OCA2: variants seen among roughly 807,000 people sequenced by gnomAD.
OCA2 encodes OCA2 melanosomal transmembrane protein.
In OCA2, 77 loss-of-function variants were observed where a neutral mutation model predicts 100.2. That is an observed-to-expected ratio of 0.77 (90% CI 0.64 to 0.93). The LOEUF (loss-of-function observed/expected upper bound fraction) is 0.93, where lower values mean the gene tolerates loss of function less well. Among genes scored for constraint, OCA2 ranks in the 40% least tolerant of loss-of-function variants. The probability of loss-of-function intolerance (pLI) is 0.00; values close to 1 mark genes in which losing one functional copy is unlikely to be tolerated. For missense variants in OCA2, 1,062 were observed against 1,089.1 expected, an observed-to-expected ratio of 0.98 and a Z score of 0.35; for synonymous variants, 432 against 439.2, an observed-to-expected ratio of 0.98 and a Z score of 0.21.
At chr15:27,923,027 A>G (rs1224756349) in intron 19 of OCA2, among the ~76,000 whole-genome samples, 1 of 152,028 alleles carries the variant, frequency 6.6e-6, no homozygotes, top group East Asian at 1.9e-4. Context: ...ATGTGTTCTC[A>G]TCATTCAGCT....
intron 20 of OCA2, among the ~76,000 whole-genome samples, chr15:27,871,599 A>G (rs1359751698): frequency 6.6e-6 from 1 of 152,198 alleles, no homozygotes; most frequent in Non-Finnish European, 1.5e-5. Flanking sequence ...GCACTCATTT[A>G]CTGAGGCTGG....
intron 19 of OCA2, among the ~76,000 whole-genome samples, chr15:27,905,790 G>A (rs1197298921): frequency 6.6e-6 from 1 of 152,226 alleles, no homozygotes; most frequent in African/African-American, 2.4e-5. Flanking sequence ...TACAGAGCTA[G>A]TGCAAACGCT....
intron 22 of OCA2, among the ~76,000 whole-genome samples, chr15:27,846,900 G>A (rs984475933): frequency 1.2e-4 from 18 of 152,298 alleles, no homozygotes; most frequent in Middle Eastern, 3.4e-3. Flanking sequence ...AGGGAGATGC[G>A]GCTGAGGACA....
intron 19 of OCA2, among the ~76,000 whole-genome samples, chr15:27,884,760 G>T (rs2037157241): frequency 6.6e-6 from 1 of 152,282 alleles, no homozygotes; most frequent in South Asian, 2.1e-4. Flanking sequence ...TTATTTTGGG[G>T]GGATTTTGAT....
intron 2 of OCA2, among the ~76,000 whole-genome samples, chr15:28,069,172 T>C (rs2141743970): frequency 6.6e-6 from 1 of 152,160 alleles, no homozygotes; most frequent in Admixed American, 6.5e-5. Flanking sequence ...ACGGACAATA[T>C]GATTCTATAC....
At chr15:28,018,973 G>A (rs1007158724) in intron 6 of OCA2, among the ~76,000 whole-genome samples, 3 of 152,146 alleles carry the variant, frequency 2.0e-5, no homozygotes, top group African/African-American at 7.2e-5. Flanking sequence ...AAAACACCAA[G>A]CTCAGCTGTT....
intron 2 of OCA2, among the ~76,000 whole-genome samples, chr15:28,039,189 C>G (rs1385736420): frequency 1.3e-5 from 2 of 152,198 alleles, no homozygotes; most frequent in East Asian, 1.9e-4. Context: ...AAAAATCACT[C>G]TACCATAATG....
chr15:27,723,571 G>A, the OCA2 span, among the ~76,000 whole-genome samples: 7 of 151,856 alleles, frequency 4.6e-5, no homozygotes, highest in South Asian at 2.1e-4. Context: ...GTGAAGAACC[G>A]ACCTGGGGGC....
chr15:27,777,484 C>G (rs2032302830), intron 23 of OCA2, among the ~76,000 whole-genome samples: 1 of 152,144 alleles, frequency 6.6e-6, no homozygotes, highest in African/African-American at 2.4e-5. Flanking sequence ...TGACTATATG[C>G]TAAAGGCAAA....
chr15:27,977,994 C>T (rs938973160), intron 14 of OCA2, among the ~76,000 whole-genome samples: 2 of 152,214 alleles, frequency 1.3e-5, no homozygotes, highest in East Asian at 3.8e-4. Context: ...ATTTGGTTAT[C>T]GCATTCCAAG....
At position 28,089,502 on chromosome 15, in the gene OCA2, C is replaced by T. The variant is rs140500404; in HGVS notation, c.-21-7607G>A. ...TGAAATCTTCACAATTTATGTTCTT[C>T]TACCATGGCTTCAGCTGGTCCCTCC... is the stretch of plus-strand genomic sequence containing the variant. On this transcript the variant is annotated intron_variant, in intron 1 of 23. Coordinates refer to ENST00000354638, the MANE Select transcript of OCA2 (RefSeq NM_000275.3). Among the ~76,000 whole-genome samples the T allele has an allele frequency of 6.2e-3, 943 of 152,282 alleles. 10 individuals are homozygous for T. Among genetic ancestry groups the T allele is most frequent in the Admixed American group, 0.014 (212 of 15,304 alleles).
At chr15:27,859,018 T>C (rs2036039227) in intron 21 of OCA2, among the ~76,000 whole-genome samples, 1 of 152,056 alleles carries the variant, frequency 6.6e-6, no homozygotes, top group South Asian at 2.1e-4. Flanking sequence ...TGAAATTCAA[T>C]GAAAGCAGTG....
intron 23 of OCA2, among the ~76,000 whole-genome samples, chr15:27,822,959 T>C (rs2034560960): frequency 6.6e-6 from 1 of 152,274 alleles, no homozygotes; most frequent in Non-Finnish European, 1.5e-5. Context: ...TGTTGTCCTA[T>C]CGTGAGTTCA....
chr15:27,938,272 T>C (rs2039526870), intron 18 of OCA2, among the ~76,000 whole-genome samples: 1 of 152,076 alleles, frequency 6.6e-6, no homozygotes, highest in African/African-American at 2.4e-5. Flanking sequence ...GGGAAGAAGA[T>C]ACACACCTGC....
chr15:27,837,894 A>T (rs1460559663), intron 23 of OCA2, among the ~76,000 whole-genome samples: 1 of 151,908 alleles, frequency 6.6e-6, no homozygotes, highest in Non-Finnish European at 1.5e-5. Flanking sequence ...AAAAAAAAAA[A>T]AAAAAGAAAA....
chr15:27,821,357 GAAC>G (rs2034493954), intron 23 of OCA2, among the ~76,000 whole-genome samples: 1 of 152,014 alleles, frequency 6.6e-6, no homozygotes, highest in Admixed American at 6.6e-5. Context: ...TCTTCAGTTG[GAAC>G]AACACACACA....
chr15:27,762,739 T>TA (rs1190252300), intron 23 of OCA2, among the ~76,000 whole-genome samples: 2 of 152,194 alleles, frequency 1.3e-5, no homozygotes, highest in African/African-American at 4.8e-5. Context: ...AAATCTCCCT[T>TA]ATGCCCAACC....
At chr15:27,966,888 C>A (rs2040588031) in intron 14 of OCA2, 66 bp from the exon 15 acceptor site, 2 of 1,541,902 alleles carry the variant, frequency 1.3e-6, no homozygotes, top group East Asian at 4.8e-5. Context: ...GTAATCCCAG[C>A]ACTTTCCGAG....
chr15:28,041,455 T>C (rs2043199232), intron 2 of OCA2, among the ~76,000 whole-genome samples: 1 of 152,170 alleles, frequency 6.6e-6, no homozygotes. Context: ...TTTTCCCCTA[T>C]GACTAGGAAC....
Sources: allele counts gnomAD v4.1 joint callset (sites outside exome capture counted in the v4.1 genomes callset), GRCh38; gene constraint gnomAD v4.1.1; transcripts MANE v1.5; gene names NCBI Gene and HGNC (gene_info 2026-07-23, HGNC 2026-07-21).